The following OR6C74 variants were observed in gnomAD, a reference collection of about 807,000 sequenced individuals.
OR6C74 encodes the protein olfactory receptor family 6 subfamily C member 74, also known as olfactory receptor 6C74.
For synonymous variants in OR6C74, 142 were observed against 134.2 expected, an observed-to-expected ratio of 1.06 and a Z score of -0.40; for missense variants, 361 against 362.9, an observed-to-expected ratio of 0.99 and a Z score of 0.04.
In OR6C74 at chr12:55,255,686, A is replaced by G. The variant is rs1954339349; in HGVS notation, c.*7460A>G. On this transcript the variant is annotated 3_prime_UTR_variant, in exon 2 of 2. Transcript: ENST00000343399. ...GATGCTGGAAACTATCATTCTCAGC[A>G]AACTAACACAAGAACAGAAAACCAA... 6.6e-6 allele frequency among the ~76,000 whole-genome samples: 1 copy of G among 152,192 alleles called. No homozygotes were observed. The highest frequency in any genetic ancestry group is 2.1e-4 in the South Asian group (1 of 4,826).
At chr12:55,246,835 T>C (rs1954272932) in intron 1 of OR6C74, among the ~76,000 whole-genome samples, 1 of 151,908 alleles carries the variant, frequency 6.6e-6, no homozygotes, top group African/African-American at 2.4e-5. Context: ...AGTTCTCAGC[T>C]GAAATCTGAA....
chr12:55,244,798 A>T lies in OR6C74; in HGVS notation c.-29A>T, dbSNP rs1423376645. Among the ~76,000 whole-genome samples the T allele has an allele frequency of 1.3e-5, 2 of 152,102 alleles. No homozygotes were observed. Among genetic ancestry groups the T allele is most frequent in the African/African-American group, 4.8e-5 (2 of 41,454 alleles). Reference sequence around the variant, plus strand: ...AGAGAACATCTTATTAATAAAAATCATGAGAAGAAATGAACCTAGGTAAGA... The same window carrying T: ...AGAGAACATCTTATTAATAAAAATCTTGAGAAGAAATGAACCTAGGTAAGA... On this transcript the variant is annotated 5_prime_UTR_variant, in exon 1 of 2. The change abolishes an upstream ATG in the 5' untranslated region. Transcript: ENST00000343399.
chr12:55,249,976 A>C lies in OR6C74; in HGVS notation c.*1750A>C, dbSNP rs983835275. Among the ~76,000 whole-genome samples, 6 of 151,922 alleles carry C rather than the reference A, an allele frequency of 3.9e-5. No individual in the cohort carries two copies. Among genetic ancestry groups the C allele is most frequent in the Non-Finnish European group, 8.8e-5 (6 of 67,996 alleles). On this transcript the variant is annotated 3_prime_UTR_variant, in exon 2 of 2. Transcript: ENST00000343399. ...TGTGTCCAGGTGTTCTTATTGTTCA[A>C]TTCCCACCTATGAGTGACAACATGC...
intron 1 of OR6C74, 82 bp from the exon 2 acceptor site, chr12:55,247,197 A>G: frequency 1.4e-6 from 1 of 739,022 alleles, no homozygotes. Context: ...CAATGTCTTT[A>G]TGGTGGATTT....
rs181328755 is a variant in OR6C74 at position 55,246,045 on chromosome 12, G to T, written c.-10+1228G>T. On this transcript the variant is annotated intron_variant, in intron 1 of 1. Coordinates refer to ENST00000343399, the MANE Select transcript of OR6C74 (RefSeq NM_001005490.2). The stretch of plus-strand genomic sequence containing the variant: ...GCTGGAATATACACAATGTAATAAT[G>T]TTCATATACAGTTTAACATATGGCA... Among the ~76,000 whole-genome samples, 37 of 152,238 alleles carry T rather than the reference G, an allele frequency of 2.4e-4. 1 individual carries two copies. The highest frequency in any genetic ancestry group is 8.9e-4 in the African/African-American group (37 of 41,562).
chr12:55,247,917 A>G lies in OR6C74; in HGVS notation c.630A>G (p.Val210=). 6.2e-7 allele frequency: 1 copy of G among 1,614,000 alleles called. No homozygotes were observed. The highest frequency in any genetic ancestry group is 8.5e-7 in the Non-Finnish European group (1 of 1,179,922). The change falls in exon 2 of 2, where the codon GTA becomes GTG. Residue 210 remains valine, a synonymous_variant. Transcript: ENST00000343399. ...TTTTGACGCTCCTGGTTACACTGGT[A>G]TTAGTGATTCTCTCCTACACAAATA... is the stretch of plus-strand genomic sequence containing the variant. ...SAILTLLVTL[V]LVILSYTNII...
At position 55,248,270 on chromosome 12, in the gene OR6C74, A is replaced by G. The variant is rs1243694153; in HGVS notation, c.*44A>G. 1.3e-5 allele frequency: 16 copies of G among 1,248,914 alleles called. No homozygotes were observed. The highest frequency in any genetic ancestry group is 4.4e-5 in the Admixed American group (2 of 45,152). 77.4% of individuals were successfully genotyped at this position (1,248,914 alleles called of 1,614,324 possible). ...TTAAGGTTATTAGTAAAATAAAACAAGAAGAGTGGAGTATGTGCAAAGTTT... is the reference window on the plus strand; with the variant it reads ...TTAAGGTTATTAGTAAAATAAAACAGGAAGAGTGGAGTATGTGCAAAGTTT... On this transcript the variant is annotated 3_prime_UTR_variant, in exon 2 of 2. Coordinates refer to ENST00000343399, the MANE Select transcript of OR6C74 (RefSeq NM_001005490.2).
chr12:55,248,375 A>G lies in OR6C74; in HGVS notation c.*149A>G. 1.0e-5 allele frequency: 6 copies of G among 581,356 alleles called. No individual in the cohort carries two copies. Among genetic ancestry groups the G allele is most frequent in the Non-Finnish European group, 1.8e-5 (6 of 334,498 alleles). The allele number at this position is 581,356 out of a possible 1,614,324, so 36.0% of individuals were successfully genotyped here. A position where few individuals can be genotyped will look rare whatever the true frequency, so the allele number is the denominator to read the frequency against. ...TGGCCTTCCTAATCTCCAAAGCCTA[A>G]CCTTCACTGCCATTTCTCCCTCATG... On this transcript the variant is annotated 3_prime_UTR_variant, in exon 2 of 2. Coordinates refer to ENST00000343399, the MANE Select transcript of OR6C74 (RefSeq NM_001005490.2).
rs1392466940 is a variant in OR6C74, at chr12:55,255,648, C to T, written c.*7422C>T. Among the ~76,000 whole-genome samples, 6 of 152,092 alleles carry T rather than the reference C, an allele frequency of 3.9e-5. No individual in the cohort carries two copies. Among genetic ancestry groups the T allele is most frequent in the African/African-American group, 1.4e-4 (6 of 41,420 alleles). ...AAAAACGATGAGTTCATATCCTTTG[C>T]AGGGACATGGATGATGCTGGAAACT... On this transcript the variant is annotated 3_prime_UTR_variant, in exon 2 of 2. Coordinates refer to ENST00000343399, the MANE Select transcript of OR6C74 (RefSeq NM_001005490.2).
Position 55,255,363 on chromosome 12 carries a change from A to G in OR6C74, c.*7137A>G, listed in dbSNP as rs1041608025. On this transcript the variant is annotated 3_prime_UTR_variant, in exon 2 of 2. Coordinates refer to ENST00000343399, the MANE Select transcript of OR6C74 (RefSeq NM_001005490.2). ...GTTGGTGGGAGTATAAATTAGTTCAACCATTGTGGAAGACAGTGTGGTGAT... is the reference window on the plus strand; with the variant it reads ...GTTGGTGGGAGTATAAATTAGTTCAGCCATTGTGGAAGACAGTGTGGTGAT... Among the ~76,000 whole-genome samples the G allele has an allele frequency of 1.3e-5, 2 of 152,120 alleles. No individual in the cohort carries two copies. The highest frequency in any genetic ancestry group is 2.9e-5 in the Non-Finnish European group (2 of 68,008).
intron 1 of OR6C74, among the ~76,000 whole-genome samples, chr12:55,246,752 G>A (rs1954272487): frequency 6.6e-6 from 1 of 152,122 alleles, no homozygotes; most frequent in African/African-American, 2.4e-5. Context: ...TAGAAGTTTG[G>A]TGAGGGTATT....
At position 55,249,922 on chromosome 12, in the gene OR6C74, C is replaced by T. The variant is rs1954302109; in HGVS notation, c.*1696C>T. Reference sequence around the variant, plus strand: ...CCTCCCCTCTCCCCCCACCTCACAGCAGGCCCCGGTGTGTGATGTTCGCCT... The same window carrying T: ...CCTCCCCTCTCCCCCCACCTCACAGTAGGCCCCGGTGTGTGATGTTCGCCT... On this transcript the variant is annotated 3_prime_UTR_variant, in exon 2 of 2. Coordinates refer to ENST00000343399, the MANE Select transcript of OR6C74 (RefSeq NM_001005490.2). Among the ~76,000 whole-genome samples the T allele has an allele frequency of 6.6e-6, 1 of 152,080 alleles. No individual in the cohort carries two copies. The highest frequency in any genetic ancestry group is 2.1e-4 in the South Asian group (1 of 4,830).
Position 55,251,189 on chromosome 12 carries a change from G to A in OR6C74, c.*2963G>A, listed in dbSNP as rs12297028. ...TATTGCAAAACTTGTGTGCTGTCAC[G>A]TATATTGAATGCCTGCCCATTGCCC... On this transcript the variant is annotated 3_prime_UTR_variant, in exon 2 of 2. Coordinates refer to ENST00000343399, the MANE Select transcript of OR6C74 (RefSeq NM_001005490.2). 0.12 allele frequency among the ~76,000 whole-genome samples: 17,709 copies of A among 152,016 alleles called. 2,234 individuals carry two copies. The highest frequency in any genetic ancestry group is 0.32 in the African/African-American group (13,244 of 41,462).
In OR6C74 at chr12:55,253,723, A is replaced by G. The variant is rs902672231; in HGVS notation, c.*5497A>G. Among the ~76,000 whole-genome samples, 10 of 152,086 alleles carry G rather than the reference A, an allele frequency of 6.6e-5. No individual in the cohort carries two copies. Among genetic ancestry groups the G allele is most frequent in the African/African-American group, 2.4e-4 (10 of 41,430 alleles). On this transcript the variant is annotated 3_prime_UTR_variant, in exon 2 of 2. Transcript: ENST00000343399. ...ATCCATGTTTCATTGATTTCACTGT[A>G]CGATTTTCTTGGGAAAGGACCACAT...
chr12:55,256,044 T>C lies in OR6C74; in HGVS notation c.*7818T>C, dbSNP rs980518286. 1.3e-5 allele frequency among the ~76,000 whole-genome samples: 2 copies of C among 152,092 alleles called. No individual in the cohort carries two copies. Among genetic ancestry groups the C allele is most frequent in the African/African-American group, 4.8e-5 (2 of 41,414 alleles). On this transcript the variant is annotated 3_prime_UTR_variant, in exon 2 of 2. Transcript: ENST00000343399. ...TAAAAGGTGAAATGCTCCTGATTAT[T>C]GTAAATACAAAATTGCATGCAGGAT... is the stretch of plus-strand genomic sequence containing the variant.
rs1350478922 is a variant in OR6C74 at position 55,251,259 on chromosome 12, A to G, written c.*3033A>G. Among the ~76,000 whole-genome samples, 1 of 152,118 alleles carries G rather than the reference A, an allele frequency of 6.6e-6. No individual in the cohort carries two copies. Among genetic ancestry groups the G allele is most frequent in the East Asian group, 1.9e-4 (1 of 5,186 alleles). On this transcript the variant is annotated 3_prime_UTR_variant, in exon 2 of 2. Coordinates refer to ENST00000343399, the MANE Select transcript of OR6C74 (RefSeq NM_001005490.2). ...AAACTTCAATCAGTTAAAGTTAATTAACATGGAGACTTCTGTGGAAGGCTG... is the reference window on the plus strand; with the variant it reads ...AAACTTCAATCAGTTAAAGTTAATTGACATGGAGACTTCTGTGGAAGGCTG...
At position 55,248,142 on chromosome 12, in the gene OR6C74, CTTTA is replaced by C; in HGVS notation, c.861_864del (p.Tyr288HisfsTer2). The C allele has an allele frequency of 6.2e-7, 1 of 1,613,794 alleles. No individual in the cohort carries two copies. Among genetic ancestry groups the C allele is most frequent in the Non-Finnish European group, 8.5e-7 (1 of 1,179,786 alleles). On this transcript the variant is annotated frameshift_variant, in exon 2 of 2. Coordinates refer to ENST00000343399, the MANE Select transcript of OR6C74 (RefSeq NM_001005490.2). LOFTEE classifies it low-confidence loss of function (END_TRUNC). ...CTTCTGTTGCCCCCATGTTGAATCC[CTTTA>C]TTTATACACTGAGAAACAAACAAGT...
rs1316982504 is a variant in OR6C74 at position 55,244,714 on chromosome 12, G to T, written c.-113G>T. Among the ~76,000 whole-genome samples the T allele has an allele frequency of 7.0e-6, 1 of 143,830 alleles. No homozygotes were observed. Among genetic ancestry groups the T allele is most frequent in the Non-Finnish European group, 1.6e-5 (1 of 63,272 alleles). 94.4% of individuals were successfully genotyped at this position (143,830 alleles called of 152,430 possible). On this transcript the variant is annotated 5_prime_UTR_variant, in exon 1 of 2. Transcript: ENST00000343399. ...TACACATATATGTATATATAGAAGA[G>T]ATATGATAAACATAGAGGTAGATAT...
Position 55,251,241 on chromosome 12 carries a change from A to G in OR6C74, c.*3015A>G, listed in dbSNP as rs1032617881. On this transcript the variant is annotated 3_prime_UTR_variant, in exon 2 of 2. Coordinates refer to ENST00000343399, the MANE Select transcript of OR6C74 (RefSeq NM_001005490.2). Reference sequence around the variant, plus strand: ...AATCTCTGTTAGCTTGCAAAACTTCAATCAGTTAAAGTTAATTAACATGGA... The same window carrying G: ...AATCTCTGTTAGCTTGCAAAACTTCGATCAGTTAAAGTTAATTAACATGGA... Among the ~76,000 whole-genome samples the G allele has an allele frequency of 3.3e-5, 5 of 152,072 alleles. No homozygotes were observed. Among genetic ancestry groups the G allele is most frequent in the African/African-American group, 1.2e-4 (5 of 41,434 alleles).
Sources: gnomAD v4.1 joint callset for allele counts (sites outside exome capture counted in the v4.1 genomes callset) on GRCh38, gnomAD v4.1.1 for gene constraint, MANE v1.5 for transcripts, NCBI Gene and HGNC (gene_info 2026-07-23, HGNC 2026-07-21) for gene names.